Variants in SESN1 observed in about 807,000 individuals in gnomAD.
SESN1 encodes the protein sestrin-1.
In SESN1, 30 loss-of-function variants were observed where a neutral mutation model predicts 59.3. That is an observed-to-expected ratio of 0.51 (90% confidence interval 0.38 to 0.69). SESN1 has a LOEUF of 0.69. Ranked by LOEUF, SESN1 falls within the 30% of genes least tolerant of loss-of-function variation. SESN1 has a pLI of 0.00. For synonymous variants in SESN1, 197 were observed against 219.9 expected, an observed-to-expected ratio of 0.90 and a Z score of 0.92; for missense variants, 566 against 673.0, an observed-to-expected ratio of 0.84 and a Z score of 1.76.
In SESN1 at chr6:108,992,809, T is replaced by G. The variant is rs759474520; in HGVS notation, c.1211A>C (p.His404Pro). 9 of 1,612,528 alleles carry G rather than the reference T, an allele frequency of 5.6e-6. No individual in the cohort carries two copies. Among genetic ancestry groups the G allele is most frequent in the Non-Finnish European group, 6.8e-6 (8 of 1,178,762 alleles). ...GYKDFSRHGM[H>P]VPTFRVQDYC... ...TACCTGGACACGAAATGTTGGAACA[T>G]GCATCCCATGTCTAGAGAAATCTTT... Residue 404 changes from histidine (H) to proline (P), a missense_variant, in exon 7 of 10, where the codon CAT becomes CCT. Transcript: ENST00000436639.
At chr6:108,988,188 C>T (rs547421541) in intron 9 of SESN1, among the ~76,000 whole-genome samples, 1 of 152,160 alleles carries the variant, frequency 6.6e-6, no homozygotes, top group Non-Finnish European at 1.5e-5. Flanking sequence ...ACTGTTTTAT[C>T]AGAATAGCAA....
At chr6:109,065,749 A>C (rs1254757375) in intron 1 of SESN1, among the ~76,000 whole-genome samples, 1 of 152,060 alleles carries the variant, frequency 6.6e-6, no homozygotes, top group African/African-American at 2.4e-5. Flanking sequence ...GTCTTAAAAT[A>C]CTGACCCCTT....
chr6:109,030,093 C>G (rs1780159121), intron 1 of SESN1, among the ~76,000 whole-genome samples: 1 of 152,106 alleles, frequency 6.6e-6, no homozygotes, highest in Non-Finnish European at 1.5e-5. Context: ...TTTCGAGACA[C>G]CTGGGTCTTA....
intron 1 of SESN1, among the ~76,000 whole-genome samples, chr6:109,072,040 T>C (rs1241882804): frequency 6.6e-6 from 1 of 152,190 alleles, no homozygotes; most frequent in Non-Finnish European, 1.5e-5. Context: ...TAATCCTCAA[T>C]TTGAGAATGC....
At chr6:109,088,727 TATC>T (rs1781260747) in intron 1 of SESN1, among the ~76,000 whole-genome samples, 1 of 152,222 alleles carries the variant, frequency 6.6e-6, no homozygotes, top group Non-Finnish European at 1.5e-5. Flanking sequence ...TAATTACATG[TATC>T]ATCAAGACTA....
chr6:109,054,087 G>T (rs373879450), intron 1 of SESN1, among the ~76,000 whole-genome samples: 11 of 151,856 alleles, frequency 7.2e-5, no homozygotes, highest in Middle Eastern at 3.4e-3. Flanking sequence ...AATTTTTTGG[G>T]GGGGGAGGGA....
rs1779612433 is a variant in SESN1 at position 109,001,150 on chromosome 6, A to G, written c.546+138T>C. On this transcript the variant is annotated intron_variant, in intron 3 of 9. Transcript: ENST00000436639. ...GAGAGCGTACTTATTTAAAAATAGG[A>G]AAAACAGAGACTGTGCAACAGGAAT... The G allele has an allele frequency of 3.4e-5, 26 of 754,524 alleles. No homozygotes were observed. In the South Asian group the frequency reaches 5.4e-4, roughly 16 times the overall value. 46.7% of individuals were successfully genotyped at this position (754,524 alleles called of 1,614,324 possible). A position where few individuals can be genotyped will look rare whatever the true frequency, so the allele number is the denominator to read the frequency against.
intron 1 of SESN1, among the ~76,000 whole-genome samples, chr6:109,034,181 GC>G (rs1182817770): frequency 4.6e-5 from 7 of 152,118 alleles, no homozygotes; most frequent in African/African-American, 7.2e-5. Flanking sequence ...TAATTACTTA[GC>G]ACAGCATTTT....
chr6:109,005,284 C>A (rs1333376185), intron 1 of SESN1, among the ~76,000 whole-genome samples: 1 of 152,032 alleles, frequency 6.6e-6, no homozygotes, highest in Non-Finnish European at 1.5e-5. Flanking sequence ...AAAAGCTCTT[C>A]AAGTTATATT....
At chr6:109,058,244 A>G (rs1412251161) in intron 1 of SESN1, among the ~76,000 whole-genome samples, 1 of 152,016 alleles carries the variant, frequency 6.6e-6, no homozygotes, top group Non-Finnish European at 1.5e-5. Context: ...ACCACCACAC[A>G]GGACTAATTT....
At chr6:109,008,185 A>C (rs1779773304) in intron 1 of SESN1, among the ~76,000 whole-genome samples, 1 of 152,220 alleles carries the variant, frequency 6.6e-6, no homozygotes, top group Admixed American at 6.5e-5. Context: ...AGATCTGAGC[A>C]AGAACCAGGA....
Position 108,990,746 on chromosome 6 carries a change from A to C in SESN1, c.1323T>G (p.Ala441=). The C allele has an allele frequency of 6.2e-7, 1 of 1,614,128 alleles. No homozygotes were observed. The highest frequency in any genetic ancestry group is 1.3e-5 in the African/African-American group (1 of 75,064). Residue 441 remains alanine, a synonymous_variant, in exon 8 of 10, where the codon GCT becomes GCG. Coordinates refer to ENST00000436639, the MANE Select transcript of SESN1 (RefSeq NM_014454.3). ...CCATTGTATTATAAGTAAGATTGTA[A>C]GCAATGTGAAATTTTTCATCAATCA... is the stretch of plus-strand genomic sequence containing the variant. The part of the protein sequence containing the change: ...GQLIDEKFHI[A]YNLTYNTMAM...
chr6:109,039,457 A>T (rs1220415691), intron 1 of SESN1, among the ~76,000 whole-genome samples: 1 of 152,258 alleles, frequency 6.6e-6, no homozygotes, highest in Non-Finnish European at 1.5e-5. Flanking sequence ...TTTCAGTTCA[A>T]GATGAGGTCC....
intron 1 of SESN1, among the ~76,000 whole-genome samples, chr6:109,019,638 A>T (rs1160267762): frequency 6.6e-6 from 1 of 152,222 alleles, no homozygotes; most frequent in Non-Finnish European, 1.5e-5. Flanking sequence ...AATAGTCTTT[A>T]TCCTAAATCA....
chr6:109,038,911 AAGG>A lies in SESN1; in HGVS notation c.280-36571_280-36569del, dbSNP rs10688675. On this transcript the variant is annotated intron_variant, in intron 1 of 9. Transcript: ENST00000436639. Reference sequence around the variant, plus strand: ...AAAGAAGAAGGAAGGAGAAAAAAGGAAGGAGGAGGAGGAGGAGAAGAAAAGAGA... The same window carrying A: ...AAAGAAGAAGGAAGGAGAAAAAAGGAAGGAGGAGGAGGAGAAGAAAAGAGA... 3.5e-3 allele frequency among the ~76,000 whole-genome samples: 518 copies of A among 149,890 alleles called. 1 individual carries two copies. The highest frequency in any genetic ancestry group is 8.9e-3 in the African/African-American group (354 of 39,926).
At chr6:109,007,785 CTTTTTTT>C (rs3083610) in intron 1 of SESN1, among the ~76,000 whole-genome samples, 235 of 103,334 alleles carry the variant, frequency 2.3e-3, no homozygotes, top group Non-Finnish European at 3.7e-3. Context: ...AGTCCAGGTA[CTTTTTTT>C]TTTTTTTTTT....
rs142588400 is a variant in SESN1, at chr6:109,049,845, A to G, written c.279+43950T>C. 3.9e-3 allele frequency among the ~76,000 whole-genome samples: 596 copies of G among 152,160 alleles called. 3 individuals carry two copies. Among genetic ancestry groups the G allele is most frequent in the African/African-American group, 0.014 (569 of 41,560 alleles). On this transcript the variant is annotated intron_variant, in intron 1 of 9. Transcript: ENST00000436639. ...ATACCCTCTTTAAAAAATTCTCAAG[A>G]AAGTTGCATCATGGGAATTAAATGT... is the stretch of plus-strand genomic sequence containing the variant.
In SESN1 at chr6:109,012,933, G is replaced by A. The variant is rs140547011; in HGVS notation, c.280-10590C>T. Among the ~76,000 whole-genome samples the A allele has an allele frequency of 8.7e-3, 1,324 of 151,854 alleles. 25 individuals carry two copies. The highest frequency in any genetic ancestry group is 0.03 in the African/African-American group (1,255 of 41,470). On this transcript the variant is annotated intron_variant, in intron 1 of 9. Transcript: ENST00000436639. ...GCTCGAAACCATCCTGGCCAACATG[G>A]TGAAACCCCGTCTCTACTGAAAATA...
chr6:109,032,533 G>A (rs567554949), intron 1 of SESN1, among the ~76,000 whole-genome samples: 14 of 150,812 alleles, frequency 9.3e-5, no homozygotes, highest in Admixed American at 1.3e-4. Flanking sequence ...CAGGAGAATC[G>A]CTTGAACCCA....
Sources: allele counts gnomAD v4.1 joint callset (sites outside exome capture counted in the v4.1 genomes callset), GRCh38; gene constraint gnomAD v4.1.1; transcripts MANE v1.5; gene names NCBI Gene and HGNC (gene_info 2026-07-23, HGNC 2026-07-21).